Variants in EDC3 observed in about 807,000 individuals in gnomAD.
EDC3 encodes the protein enhancer of mRNA decapping 3.
A neutral mutation model predicts 41.8 loss-of-function variants in EDC3; 20 were observed. That is an observed-to-expected ratio of 0.48 (90% CI 0.34 to 0.70). The LOEUF (loss-of-function observed/expected upper bound fraction) is 0.70, where lower values mean the gene tolerates loss of function less well. EDC3 is among the 30% of genes least tolerant of loss of function. The pLI is 0.01. For synonymous variants in EDC3, 206 were observed against 243.2 expected (o/e 0.85, Z 1.42); for missense variants, 444 against 636.8 (o/e 0.70, Z 3.26).
At chr15:74,686,885 G>A (rs1053948027) in intron 1 of EDC3, among the ~76,000 whole-genome samples, 15 of 151,960 alleles carry the variant, frequency 9.9e-5, no homozygotes, top group Middle Eastern at 3.2e-3. Flanking sequence ...TTGGGAGGCC[G>A]ACGTGGACGG....
chr15:74,635,583 G>A lies in EDC3; in HGVS notation c.1018C>T (p.Leu340=). The A allele has an allele frequency of 6.2e-7, 1 of 1,614,202 alleles. No homozygotes were observed. The highest frequency in any genetic ancestry group is 1.7e-5 in the Admixed American group (1 of 60,036). Residue 340 remains leucine, a synonymous_variant, in exon 6 of 7, where the codon CTG becomes TTG. Transcript: ENST00000315127. ...NVHQRPTVAL[L]CGPHVKGAQG... The stretch of plus-strand genomic sequence containing the variant: ...GCCCCCTTCACATGAGGTCCACACA[G>A]TAGAGCCACTGTAGGCCTCTGGTGA...
At chr15:74,688,906 C>G (rs1015675079) in intron 1 of EDC3, among the ~76,000 whole-genome samples, 1 of 72,148 alleles carries the variant, frequency 1.4e-5, no homozygotes, top group Non-Finnish European at 2.9e-5. Context: ...GATGCTGTCT[C>G]AAAAAAAAAA....
chr15:74,672,819 A>T (rs2062754743), intron 2 of EDC3, among the ~76,000 whole-genome samples: 1 of 152,108 alleles, frequency 6.6e-6, no homozygotes, highest in South Asian at 2.1e-4. Context: ...TGTCTCAAAA[A>T]AAAAAAATTT....
At chr15:74,656,224 A>T (rs1313487967) in intron 3 of EDC3, among the ~76,000 whole-genome samples, 156 bp from the exon 4 acceptor site, 3 of 152,156 alleles carry the variant, frequency 2.0e-5, no homozygotes, top group Non-Finnish European at 4.4e-5. Flanking sequence ...ACAAACAACA[A>T]ATCTCATGTG....
intron 4 of EDC3, among the ~76,000 whole-genome samples, chr15:74,647,497 C>G (rs996030154): frequency 6.6e-6 from 1 of 152,160 alleles, no homozygotes; most frequent in Non-Finnish European, 1.5e-5. Context: ...TGAGCTTAAA[C>G]TCTTGGAAAA....
chr15:74,632,905 C>G lies in EDC3; in HGVS notation c.1234G>C (p.Asp412His). 1 of 1,614,198 alleles carries G rather than the reference C, an allele frequency of 6.2e-7. No homozygotes were observed. The highest frequency in any genetic ancestry group is 1.7e-4 in the Middle Eastern group (1 of 6,060). The change falls in exon 7 of 7, where the codon GAT becomes CAT. Residue 412 changes from aspartate (D) to histidine (H), a missense_variant. Around this residue, in one of 3 missense-constraint regions of EDC3, gnomAD observed 242 missense variants for 363.8 expected, o/e 0.67. Transcript: ENST00000315127. The surrounding 1 kb of genome is among the most constrained non-coding windows in gnomAD (Gnocchi z 4.0). ...CGCAGGAAGACGTTCTCAGGGCAAT[C>G]CAGGCAGTTGATGACCAGGTCCACA... The part of the protein sequence containing the change: ...SPVDLVINCL[D>H]CPENVFLRDQ...
chr15:74,661,718 G>A (rs1312634399), intron 3 of EDC3, among the ~76,000 whole-genome samples: 5 of 132,428 alleles, frequency 3.8e-5, no homozygotes, highest in Non-Finnish European at 7.7e-5. Context: ...GCGACAGGGC[G>A]AGACTCTGTC....
At position 74,646,529 on chromosome 15, in the gene EDC3, A is replaced by G. The variant is rs1038571694; in HGVS notation, c.821-5910T>C. The stretch of plus-strand genomic sequence containing the variant: ...TAGGAGATGTCAGGTCTCAATTTGA[A>G]CTATGCCTTGAAAGACAGGCAGGAC... On this transcript the variant is annotated intron_variant, in intron 4 of 6. Transcript: ENST00000315127. 4.9e-4 allele frequency among the ~76,000 whole-genome samples: 75 copies of G among 152,354 alleles called. 1 individual carries two copies. The highest frequency in any genetic ancestry group is 1.7e-3 in the African/African-American group (71 of 41,584).
At chr15:74,654,236 AGAGT>A (rs1303233627) in intron 4 of EDC3, among the ~76,000 whole-genome samples, 1 of 150,006 alleles carries the variant, frequency 6.7e-6, no homozygotes, top group Non-Finnish European at 1.5e-5. Flanking sequence ...CTTGGGCAAC[AGAGT>A]GAGACTTCGT....
chr15:74,675,742 G>T (rs923576427), intron 1 of EDC3, among the ~76,000 whole-genome samples: 1 of 151,734 alleles, frequency 6.6e-6, no homozygotes, highest in Non-Finnish European at 1.5e-5. Flanking sequence ...TTAGCCAGGC[G>T]TGGTGGCGGG....
Position 74,675,065 on chromosome 15 carries a change from G to C in EDC3, c.60C>G (p.Val20=). Residue 20 remains valine (V), a synonymous_variant, in exon 2 of 7, where the codon GTC becomes GTG. Coordinates refer to ENST00000315127, the MANE Select transcript of EDC3 (RefSeq NM_025083.5). ...VSINCGDSLG[V]YQGRVSAVDQ... ...CCACAGCTGACACTCTTCCCTGATA[G>C]ACACCCAAGCTATCTCCACAATTGA... is the stretch of plus-strand genomic sequence containing the variant. 6.2e-7 allele frequency: 1 copy of C among 1,613,962 alleles called. No individual in the cohort carries two copies. Among genetic ancestry groups the C allele is most frequent in the Non-Finnish European group, 8.5e-7 (1 of 1,180,040 alleles).
chr15:74,673,660 C>T (rs570045149), intron 2 of EDC3, among the ~76,000 whole-genome samples: 195 of 152,080 alleles, frequency 1.3e-3, no homozygotes, highest in Non-Finnish European at 1.5e-3. Flanking sequence ...CACGGTGAAA[C>T]CCCGTCTCTA....
At position 74,632,918 on chromosome 15, in the gene EDC3, G is replaced by T; in HGVS notation, c.1221C>A (p.Val407=). Residue 407 remains valine, a synonymous_variant, in exon 7 of 7, where the codon GTC becomes GTA. Transcript: ENST00000315127. This position sits in a 1 kb window ranked among gnomAD's most constrained non-coding sequence, Gnocchi z 4.0. ...TCTCAGGGCAATCCAGGCAGTTGATGACCAGGTCCACAGGGCTAGTGGGCA... is the reference window on the plus strand; with the variant it reads ...TCTCAGGGCAATCCAGGCAGTTGATTACCAGGTCCACAGGGCTAGTGGGCA... ...KDLPTSPVDL[V]INCLDCPENV... The T allele has an allele frequency of 6.2e-7, 1 of 1,614,186 alleles. No homozygotes were observed. The highest frequency in any genetic ancestry group is 1.1e-5 in the South Asian group (1 of 91,056).
intron 1 of EDC3, among the ~76,000 whole-genome samples, chr15:74,681,370 C>T (rs555555003): frequency 1.3e-5 from 2 of 152,182 alleles, no homozygotes; most frequent in South Asian, 4.1e-4. Flanking sequence ...CCAGGCTGGT[C>T]TTGAACTCCT....
chr15:74,684,195 G>A (rs2062909923), intron 1 of EDC3, among the ~76,000 whole-genome samples: 1 of 145,582 alleles, frequency 6.9e-6, no homozygotes, highest in South Asian at 2.2e-4. Flanking sequence ...ATGCTACCAT[G>A]GCCAGCTAAT....
intron 5 of EDC3, 124 bp from the exon 6 acceptor site, chr15:74,635,750 A>C: frequency 1.1e-6 from 1 of 908,596 alleles, no homozygotes; most frequent in South Asian, 1.7e-5. Flanking sequence ...ACCAAGTCCC[A>C]GGCTCCAGAG....
At chr15:74,673,307 C>A (rs1017966777) in intron 2 of EDC3, among the ~76,000 whole-genome samples, 1 of 152,064 alleles carries the variant, frequency 6.6e-6, no homozygotes, top group African/African-American at 2.4e-5. Context: ...ATTTTGGCAA[C>A]TAACTGAACA....
intron 6 of EDC3, among the ~76,000 whole-genome samples, chr15:74,634,871 T>TG: frequency 6.6e-6 from 1 of 152,274 alleles, no homozygotes; most frequent in Non-Finnish European, 1.5e-5. Flanking sequence ...AATTTGATTA[T>TG]ATCATTTCTC....
chr15:74,695,350 G>A (rs962739506), intron 1 of EDC3: 3 of 152,214 alleles, frequency 2.0e-5, no homozygotes, highest in Non-Finnish European at 2.9e-5. Context: ...AAAGTGTACT[G>A]AAAAGAACCA....
Sources: gnomAD v4.1 joint callset for allele counts (sites outside exome capture counted in the v4.1 genomes callset) on GRCh38, gnomAD v4.1.1 for gene constraint, gnomAD v4.1.1 regional missense constraint, Gnocchi (gnomAD v3.1) non-coding constraint, MANE v1.5 for transcripts, NCBI Gene and HGNC (gene_info 2026-07-23, HGNC 2026-07-21) for gene names.